FAM241A: variants seen among roughly 807,000 people sequenced by gnomAD.
FAM241A encodes the protein uncharacterized protein FAM241A.
A neutral mutation model predicts 12.2 loss-of-function variants in FAM241A; 7 were observed. The ratio of observed to expected loss-of-function variants is 0.58; its 90% CI spans 0.33 to 1.08. FAM241A has a LOEUF of 1.08. Among genes scored for constraint, FAM241A ranks in the 50% least tolerant of loss-of-function variants. FAM241A has a pLI of 0.04. For missense variants in FAM241A, 161 were observed against 169.7 expected, an observed-to-expected ratio of 0.95 and a Z score of 0.29; for synonymous variants, 74 against 68.2, an observed-to-expected ratio of 1.08 and a Z score of -0.42.
In FAM241A at chr4:112,145,728, G is replaced by C; in HGVS notation, c.148G>C (p.Glu50Gln). ...RRRGQRPKES[E>Q]QDVEDSQNHT... is the part of the protein sequence containing the mutation. ...GCGCGGACAGCGGCCGAAGGAGAGC[G>C]AGCAGGTGAGCGCGGGGAGGGGCGG... The change falls in exon 1 of 2, where the codon GAG (glutamate) becomes CAG (glutamine). Residue 50 changes from glutamate to glutamine, a missense_variant. Glu to Gln is a conservative substitution (Grantham distance 29, BLOSUM62 2). Transcript: ENST00000309733. 2.5e-6 allele frequency: 3 copies of C among 1,192,238 alleles called. No homozygotes were observed. Among genetic ancestry groups the C allele is most frequent in the Non-Finnish European group, 3.1e-6 (3 of 962,530 alleles). 73.9% of individuals were successfully genotyped at this position (1,192,238 alleles called of 1,614,324 possible). A position where few individuals can be genotyped will look rare whatever the true frequency, so the allele number is the denominator to read the frequency against.
intron 1 of FAM241A, among the ~76,000 whole-genome samples, chr4:112,178,866 C>T (rs368788434): frequency 2.6e-5 from 4 of 151,868 alleles, no homozygotes; most frequent in East Asian, 3.9e-4. Flanking sequence ...ATAAAAGCGG[C>T]CATGAAAAAA....
intron 1 of FAM241A, among the ~76,000 whole-genome samples, chr4:112,149,411 C>A (rs928914558): frequency 6.6e-6 from 1 of 152,190 alleles, no homozygotes; most frequent in African/African-American, 2.4e-5. Flanking sequence ...TGAAAACTCT[C>A]TTTAGGGCTG....
chr4:112,160,573 C>T (rs565065770), intron 1 of FAM241A, among the ~76,000 whole-genome samples: 1 of 152,250 alleles, frequency 6.6e-6, no homozygotes, highest in South Asian at 2.1e-4. Flanking sequence ...TTTATTTACA[C>T]TCACAGAAGT....
Position 112,192,912 on chromosome 4 carries a change from G to A in FAM241A, c.*5974G>A, listed in dbSNP as rs1426547545. On this transcript the variant is annotated 3_prime_UTR_variant, in exon 2 of 2. Transcript: ENST00000309733. Reference sequence around the variant, plus strand: ...GTATTTCTAGTTCTAGATTCCTGAGGAATCGCCACACTGACTTCCACAATG... The same window carrying A: ...GTATTTCTAGTTCTAGATTCCTGAGAAATCGCCACACTGACTTCCACAATG... 6.6e-6 allele frequency: 1 copy of A among 150,546 alleles called. No homozygotes were observed. The highest frequency in any genetic ancestry group is 2.5e-5 in the African/African-American group (1 of 40,676). The allele number at this position is 150,546 out of a possible 1,614,324, so 9.3% of individuals were successfully genotyped here.
chr4:112,156,455 C>T (rs1473554269), intron 1 of FAM241A, among the ~76,000 whole-genome samples: 3 of 152,294 alleles, frequency 2.0e-5, no homozygotes, highest in Non-Finnish European at 4.4e-5. Flanking sequence ...TTCTCTGCCA[C>T]TCCTCACTGC....
intron 1 of FAM241A, among the ~76,000 whole-genome samples, chr4:112,164,849 G>A (rs761152115): frequency 3.3e-5 from 5 of 152,152 alleles, no homozygotes; most frequent in African/African-American, 4.8e-5. Flanking sequence ...CGTGGCTCAC[G>A]CCTATAATCC....
At chr4:112,150,093 A>G (rs1723217474) in intron 1 of FAM241A, among the ~76,000 whole-genome samples, 1 of 151,878 alleles carries the variant, frequency 6.6e-6, no homozygotes, top group African/African-American at 2.4e-5. Flanking sequence ...GTGTGCATTT[A>G]TGGTTTAATT....
intron 1 of FAM241A, among the ~76,000 whole-genome samples, chr4:112,177,888 G>A (rs1459107438): frequency 4.6e-5 from 7 of 152,104 alleles, no homozygotes. Context: ...TATGCTCATG[G>A]GAGAATATAA....
chr4:112,182,380 A>G (rs570557741), intron 1 of FAM241A, among the ~76,000 whole-genome samples: 1 of 152,362 alleles, frequency 6.6e-6, no homozygotes, highest in East Asian at 1.9e-4. Flanking sequence ...CACCACATGC[A>G]TTTCATTGTA....
chr4:112,183,348 T>C (rs995887372), intron 1 of FAM241A, among the ~76,000 whole-genome samples: 1 of 152,124 alleles, frequency 6.6e-6, no homozygotes, highest in Non-Finnish European at 1.5e-5. Context: ...CTGTCCTTAC[T>C]GGGTCTTCAG....
chr4:112,151,369 A>T (rs1723241950), intron 1 of FAM241A, among the ~76,000 whole-genome samples: 1 of 152,208 alleles, frequency 6.6e-6, no homozygotes, highest in Non-Finnish European at 1.5e-5. Context: ...TTTCGTGTAC[A>T]GCCTGCAGAA....
At chr4:112,164,937 C>T (rs1012655798) in intron 1 of FAM241A, among the ~76,000 whole-genome samples, 6 of 152,068 alleles carry the variant, frequency 3.9e-5, no homozygotes, top group Admixed American at 3.9e-4. Context: ...ACGGTGAAAC[C>T]CCATCTCTCC....
At chr4:112,150,912 G>A (rs1723234352) in intron 1 of FAM241A, among the ~76,000 whole-genome samples, 1 of 152,240 alleles carries the variant, frequency 6.6e-6, no homozygotes, top group African/African-American at 2.4e-5. Flanking sequence ...TAGCATGTGA[G>A]TGTTAGCTGT....
At chr4:112,176,170 A>G (rs920434020) in intron 1 of FAM241A, among the ~76,000 whole-genome samples, 19 of 152,204 alleles carry the variant, frequency 1.2e-4, no homozygotes, top group Non-Finnish European at 2.2e-4. Flanking sequence ...ATTTCTATAT[A>G]ATTAAATTGT....
At chr4:112,173,543 A>G (rs184885723) in intron 1 of FAM241A, among the ~76,000 whole-genome samples, 1 of 152,320 alleles carries the variant, frequency 6.6e-6, no homozygotes, top group East Asian at 1.9e-4. Flanking sequence ...GTGTGAAAGG[A>G]TAGTGAAGAA....
At chr4:112,151,307 C>G (rs1009826728) in intron 1 of FAM241A, among the ~76,000 whole-genome samples, 2 of 152,180 alleles carry the variant, frequency 1.3e-5, no homozygotes, top group Middle Eastern at 3.2e-3. Flanking sequence ...CACCTTCTGC[C>G]ATGATTGTAA....
chr4:112,157,009 A>T (rs533395483), intron 1 of FAM241A, among the ~76,000 whole-genome samples: 1 of 152,174 alleles, frequency 6.6e-6, no homozygotes, highest in Admixed American at 6.5e-5. Flanking sequence ...TAGTAGAAAG[A>T]TAGTGAATAA....
rs538051483 is a variant in FAM241A at position 112,175,306 on chromosome 4, A to G, written c.154-11387A>G. On this transcript the variant is annotated intron_variant, in intron 1 of 1. Transcript: ENST00000309733. ...TTAGCAAGCTTTCCCCCCTAGTAATATGATGGCCTACAACTCACCAGCTAT... is the reference window on the plus strand; with the variant it reads ...TTAGCAAGCTTTCCCCCCTAGTAATGTGATGGCCTACAACTCACCAGCTAT... 5.6e-4 allele frequency among the ~76,000 whole-genome samples: 86 copies of G among 152,290 alleles called. 1 individual carries two copies. Among genetic ancestry groups the G allele is most frequent in the Middle Eastern group, 6.8e-3 (2 of 294 alleles).
At chr4:112,166,633 G>A (rs558684693) in intron 1 of FAM241A, among the ~76,000 whole-genome samples, 4 of 152,206 alleles carry the variant, frequency 2.6e-5, no homozygotes, top group African/African-American at 9.6e-5. Flanking sequence ...TCAAATCCTG[G>A]CTGGCTGATT....
Sources: allele counts gnomAD v4.1 joint callset (sites outside exome capture counted in the v4.1 genomes callset), GRCh38; gene constraint gnomAD v4.1.1; transcripts MANE v1.5; gene names NCBI Gene and HGNC (gene_info 2026-07-23, HGNC 2026-07-21).